The following ABCA9 variants were observed in gnomAD, a reference collection of about 807,000 sequenced individuals.
The protein encoded by ABCA9 is ATP binding cassette subfamily A member 9.
ABCA9 carries 183 observed loss-of-function variants against 205.3 expected under a neutral mutation model. That is an observed-to-expected ratio of 0.89 (90% CI 0.79 to 1.01). The LOEUF is 1.01. ABCA9 is among the 50% of genes least tolerant of loss of function. The pLI is 0.00. For synonymous variants in ABCA9, 651 were observed against 683.3 expected (o/e 0.95, Z 0.74); for missense variants, 1,805 against 1,912.4 (o/e 0.94, Z 1.05).
chr17:69,028,279 G>GC (rs1193050635), intron 12 of ABCA9, among the ~76,000 whole-genome samples: 2 of 152,118 alleles, frequency 1.3e-5, no homozygotes, highest in Admixed American at 1.3e-4. Context: ...TGATTCTCCT[G>GC]CCTCAGTCTC....
chr17:68,979,851 T>C lies in ABCA9; in HGVS notation c.4720+2711A>G, dbSNP rs185959915. 1.8e-3 allele frequency among the ~76,000 whole-genome samples: 280 copies of C among 152,294 alleles called. 1 individual carries two copies. Among genetic ancestry groups the C allele is most frequent in the African/African-American group, 6.6e-3 (273 of 41,556 alleles). The stretch of plus-strand genomic sequence containing the variant: ...AAACCCTAGAAGAAAACCTAGGCAG[T>C]ACCATTTAGGACACAGGCAGGGGCA... On this transcript the variant is annotated intron_variant, in intron 37 of 38. Coordinates refer to ENST00000340001, the MANE Select transcript of ABCA9 (RefSeq NM_080283.4).
At chr17:69,054,536 A>G (rs534208439) in intron 1 of ABCA9, among the ~76,000 whole-genome samples, 18 of 151,798 alleles carry the variant, frequency 1.2e-4, no homozygotes, top group East Asian at 9.7e-4. Context: ...CAAAAAAAAA[A>G]AAAAGAAAAG....
intron 1 of ABCA9, among the ~76,000 whole-genome samples, chr17:69,059,661 T>G (rs989124155): frequency 7.8e-6 from 1 of 128,190 alleles, no homozygotes; most frequent in South Asian, 2.4e-4. Context: ...ACCATTAAGT[T>G]TGTGGTCATT....
At chr17:68,996,079 A>G in intron 25 of ABCA9, 65 bp from the exon 26 acceptor site, 1 of 1,534,572 alleles carries the variant, frequency 6.5e-7, no homozygotes, top group Non-Finnish European at 8.8e-7. Context: ...ATGTTTTCTA[A>G]GAGGGTGGGA....
chr17:69,007,773 A>G lies in ABCA9; in HGVS notation c.3421T>C (p.Phe1141Leu), dbSNP rs771291890. ...TGCATACTCACAATTAAGAAGAAAA[A>G]TGACCAAATGCCACTATTTTTTCTC... is the stretch of plus-strand genomic sequence containing the variant. ...NGRKNSGIWS[F>L]FFLIVVIFSI... The change falls in exon 25 of 39, where the codon TTT (phenylalanine) becomes CTT (leucine). Residue 1141 changes from phenylalanine (F) to leucine (L), a missense_variant. Transcript: ENST00000340001. 4 of 1,591,152 alleles carry G rather than the reference A, an allele frequency of 2.5e-6. No homozygotes were observed. Among genetic ancestry groups the G allele is most frequent in the Non-Finnish European group, 3.4e-6 (4 of 1,160,022 alleles).
intron 6 of ABCA9, 34 bp from the exon 7 acceptor site, chr17:69,035,835 T>C: frequency 6.3e-7 from 1 of 1,590,414 alleles, no homozygotes; most frequent in African/African-American, 1.3e-5. Context: ...GTTAGAATGT[T>C]GTTACTTCAT....
intron 25 of ABCA9, among the ~76,000 whole-genome samples, chr17:69,006,391 T>C (rs773245821): frequency 3.9e-5 from 6 of 152,234 alleles, no homozygotes; most frequent in Non-Finnish European, 8.8e-5. Flanking sequence ...GCCACTTGAA[T>C]GTCCATCAAC....
chr17:69,042,503 T>C lies in ABCA9; in HGVS notation c.800+986A>G, dbSNP rs1019139657. The C allele has an allele frequency of 5.9e-5, 9 of 152,350 alleles. No individual in the cohort carries two copies. In the South Asian group the frequency reaches 1.7e-3, roughly 28 times the overall value. 9.4% of individuals were successfully genotyped at this position (152,350 alleles called of 1,614,324 possible). A position where few individuals can be genotyped will look rare whatever the true frequency, so the allele number is the denominator to read the frequency against. ...TTAAAGAACATAAAAGGTTTTCTTTTTGCTCAGTGTCATAAAAGTGATGAC... is the reference window on the plus strand; with the variant it reads ...TTAAAGAACATAAAAGGTTTTCTTTCTGCTCAGTGTCATAAAAGTGATGAC... On this transcript the variant is annotated intron_variant, in intron 6 of 38. Coordinates refer to ENST00000340001, the MANE Select transcript of ABCA9 (RefSeq NM_080283.4).
Position 69,049,339 on chromosome 17 carries a change from T to C in ABCA9, c.248A>G (p.Glu83Gly). Residue 83 changes from glutamate to glycine, a missense_variant, in exon 3 of 39, where the codon GAA becomes GGA. By Grantham distance (98) the Glu-to-Gly change is moderately conservative. Coordinates refer to ENST00000340001, the MANE Select transcript of ABCA9 (RefSeq NM_080283.4). Reference sequence around the variant, plus strand: ...CATTATCTCTTGGGTAGTTTTGGATTCAGGTGCAAATGCAATAACATAATT... The same window carrying C: ...CATTATCTCTTGGGTAGTTTTGGATCCAGGTGCAAATGCAATAACATAATT... ...DTNYVIAFAP[E>G]SKTTQEIMNK... The C allele has an allele frequency of 6.2e-7, 1 of 1,613,362 alleles. No homozygotes were observed. Among genetic ancestry groups the C allele is most frequent in the Non-Finnish European group, 8.5e-7 (1 of 1,179,572 alleles).
intron 16 of ABCA9, among the ~76,000 whole-genome samples, chr17:69,025,136 TA>T (rs1156965345): frequency 1.3e-5 from 2 of 152,104 alleles, no homozygotes; most frequent in Non-Finnish European, 2.9e-5. Context: ...AACATAAAAA[TA>T]ATATAAAGCA....
intron 2 of ABCA9, among the ~76,000 whole-genome samples, chr17:69,049,983 C>T (rs887499241): frequency 6.6e-5 from 10 of 151,864 alleles, no homozygotes; most frequent in African/African-American, 9.7e-5. Flanking sequence ...TGACCACATT[C>T]GGGAATTGGA....
At chr17:68,978,986 G>A (rs1418136525) in intron 37 of ABCA9, among the ~76,000 whole-genome samples, 5 of 152,060 alleles carry the variant, frequency 3.3e-5, no homozygotes, top group South Asian at 2.1e-4. Context: ...AGGAAAAGAG[G>A]AAGTCAAATT....
At position 69,023,349 on chromosome 17, in the gene ABCA9, AT is replaced by A. The variant is rs1348752158; in HGVS notation, c.2281+864del. On this transcript the variant is annotated intron_variant, in intron 17 of 38. Coordinates refer to ENST00000340001, the MANE Select transcript of ABCA9 (RefSeq NM_080283.4). The surrounding 1 kb of genome is among the most constrained non-coding windows in gnomAD (Gnocchi z 4.2). ...ATCCTCATAACAACCCTAGAGTACTATTTTAATTTTCTTTTCACAAGTGAGG... is the reference window on the plus strand; with the variant it reads ...ATCCTCATAACAACCCTAGAGTACTATTTAATTTTCTTTTCACAAGTGAGG... 6.6e-6 allele frequency: 1 copy of A among 152,162 alleles called. No homozygotes were observed. The highest frequency in any genetic ancestry group is 1.5e-5 in the Non-Finnish European group (1 of 68,016). 9.4% of individuals were successfully genotyped at this position (152,162 alleles called of 1,614,324 possible).
At position 68,983,986 on chromosome 17, in the gene ABCA9, G is replaced by A. The variant is rs1467351555; in HGVS notation, c.4499+70C>T. 2.5e-6 allele frequency: 4 copies of A among 1,605,542 alleles called. No homozygotes were observed. The African/African-American group carries it at 5.3e-5, about 21-fold the overall frequency. On this transcript the variant is annotated intron_variant, in intron 35 of 38. Coordinates refer to ENST00000340001, the MANE Select transcript of ABCA9 (RefSeq NM_080283.4). ...CTAGCTCCTCACGATGGGTAGCCTG[G>A]TGCAGGGAAATAAACTTTGCTCACA... is the stretch of plus-strand genomic sequence containing the variant.
rs1387051532 is a variant in ABCA9 at position 69,027,078 on chromosome 17, G to T, written c.1948C>A (p.Pro650Thr). 1 of 1,614,020 alleles carries T rather than the reference G, an allele frequency of 6.2e-7. No individual in the cohort carries two copies. The change falls in exon 15 of 39, where the codon CCT becomes ACT. Residue 650 changes from proline (P) to threonine (T), a missense_variant. Coordinates refer to ENST00000340001, the MANE Select transcript of ABCA9 (RefSeq NM_080283.4). ...LLDEPTAGLDPLSRHRIWNLL... is the reference protein window; with the variant it reads ...LLDEPTAGLDTLSRHRIWNLL... ...TTCCATATTCGGTGCCTTGAAAGAG[G>T]ATCCAATCCAGCAGTCGGTTCATCC...
intron 3 of ABCA9, among the ~76,000 whole-genome samples, chr17:69,048,416 A>T (rs1166221046): frequency 7.6e-6 from 1 of 131,780 alleles, no homozygotes; most frequent in African/African-American, 2.8e-5. Flanking sequence ...ACTTGACGAA[A>T]GCATGGACTT....
chr17:69,008,103 G>C lies in ABCA9; in HGVS notation c.3280C>G (p.Pro1094Ala). Residue 1094 changes from proline (P) to alanine (A), a missense_variant, in exon 24 of 39, where the codon CCA becomes GCA. Transcript: ENST00000340001. ...LMQIMDYIFS[P>A]EEIIFIIQNL... Reference sequence around the variant, plus strand: ...TGAATTATAAATATAATCTCCTCTGGGCTAAAAATATAATCCATTATTTGC... The same window carrying C: ...TGAATTATAAATATAATCTCCTCTGCGCTAAAAATATAATCCATTATTTGC... 1 of 1,612,654 alleles carries C rather than the reference G, an allele frequency of 6.2e-7. No individual in the cohort carries two copies. Among genetic ancestry groups the C allele is most frequent in the Non-Finnish European group, 8.5e-7 (1 of 1,178,996 alleles).
At chr17:69,018,759 T>G (rs1181213730) in intron 19 of ABCA9, among the ~76,000 whole-genome samples, 180 bp from the exon 20 acceptor site, 1 of 152,116 alleles carries the variant, frequency 6.6e-6, no homozygotes, top group Non-Finnish European at 1.5e-5. Context: ...TATCTACCTT[T>G]AGTCTTTTGC....
Position 69,017,707 on chromosome 17 carries a change from G to A in ABCA9, c.2850C>T (p.Gly950=). 6.2e-7 allele frequency: 1 copy of A among 1,613,386 alleles called. No homozygotes were observed. The highest frequency in any genetic ancestry group is 8.5e-7 in the Non-Finnish European group (1 of 1,179,478). The stretch of plus-strand genomic sequence containing the variant: ...CACCATTGTAAGATGGGTCATCTGT[G>A]CCATTTCTAGTTCCAAAGGCATCCA... ...IEVDAFGTRN[G]TDDPSYNGAI... The change falls in exon 21 of 39, where the codon GGC becomes GGT. Residue 950 remains glycine (G), a synonymous_variant. Coordinates refer to ENST00000340001, the MANE Select transcript of ABCA9 (RefSeq NM_080283.4).
Sources: gnomAD v4.1 joint callset for allele counts (sites outside exome capture counted in the v4.1 genomes callset) on GRCh38, gnomAD v4.1.1 for gene constraint, Gnocchi (gnomAD v3.1) non-coding constraint, MANE v1.5 for transcripts, NCBI Gene and HGNC (gene_info 2026-07-23, HGNC 2026-07-21) for gene names.